CACNA2D2: variants seen among roughly 807,000 people sequenced by gnomAD.
CACNA2D2 encodes the protein voltage-dependent calcium channel subunit alpha-2/delta-2.
In CACNA2D2, 48 loss-of-function variants were observed where a neutral mutation model predicts 166.4. The observed-to-expected ratio is 0.29, with a 90% CI of 0.23 to 0.37. CACNA2D2 has a LOEUF of 0.37. Among genes scored for constraint, CACNA2D2 ranks in the 10% least tolerant of loss-of-function variants. The pLI, the probability that CACNA2D2 is intolerant of heterozygous loss-of-function variation, is 1.00. For synonymous variants in CACNA2D2, 561 were observed against 573.7 expected, an observed-to-expected ratio of 0.98 and a Z score of 0.32; for missense variants, 1,122 against 1,433.0, an observed-to-expected ratio of 0.78 and a Z score of 3.50.
intron 2 of CACNA2D2, among the ~76,000 whole-genome samples, chr3:50,468,677 C>A (rs957675778): frequency 2.0e-5 from 3 of 151,972 alleles, no homozygotes; most frequent in African/African-American, 7.3e-5. Flanking sequence ...CTGAGAGATT[C>A]CACCCTCAAG....
At chr3:50,396,324 TCACCTATTCTCCA>T (rs1156232323) in intron 3 of CACNA2D2, among the ~76,000 whole-genome samples, 1 of 152,100 alleles carries the variant, frequency 6.6e-6, no homozygotes, top group African/African-American at 2.4e-5. Flanking sequence ...CTCATCCTCA[TCACCTATTCTCCA>T]CACAACACCT....
At chr3:50,437,425 C>T (rs1708400874) in intron 2 of CACNA2D2, among the ~76,000 whole-genome samples, 1 of 152,176 alleles carries the variant, frequency 6.6e-6, no homozygotes, top group African/African-American at 2.4e-5. Context: ...AGAGCAGAAT[C>T]CCAGAAGTGC....
intron 1 of CACNA2D2, among the ~76,000 whole-genome samples, chr3:50,495,638 C>A (rs1034136084): frequency 1.3e-5 from 2 of 152,238 alleles, no homozygotes; most frequent in African/African-American, 4.8e-5. Context: ...CAGCCCAAAT[C>A]GTGCCCACAG....
chr3:50,430,803 T>C (rs1708028192), intron 3 of CACNA2D2, among the ~76,000 whole-genome samples: 1 of 152,116 alleles, frequency 6.6e-6, no homozygotes, highest in Non-Finnish European at 1.5e-5. Context: ...TGGGCCTTAG[T>C]TCAGAGGCCC....
chr3:50,459,191 A>G (rs1709492208), intron 2 of CACNA2D2, among the ~76,000 whole-genome samples: 1 of 152,214 alleles, frequency 6.6e-6, no homozygotes, highest in African/African-American at 2.4e-5. Context: ...TAGCAGAAGA[A>G]TATTTGATAA....
At chr3:50,485,646 C>T (rs766836919) in intron 1 of CACNA2D2, among the ~76,000 whole-genome samples, 33 of 152,200 alleles carry the variant, frequency 2.2e-4, no homozygotes, top group Non-Finnish European at 4.4e-4. Flanking sequence ...TCCTAGGATA[C>T]GGAGACAGGC....
chr3:50,476,322 G>C, intron 1 of CACNA2D2, 123 bp from the exon 2 acceptor site: 1 of 706,650 alleles, frequency 1.4e-6, no homozygotes, highest in Non-Finnish European at 2.4e-6. Context: ...CACTAGAGGA[G>C]GACCCACAGC....
intron 2 of CACNA2D2, among the ~76,000 whole-genome samples, chr3:50,458,813 T>C (rs567385569): frequency 2.0e-5 from 3 of 152,384 alleles, no homozygotes; most frequent in Middle Eastern, 3.4e-3. Flanking sequence ...AATGGGTTAA[T>C]GCTGGGGAAC....
intron 2 of CACNA2D2, among the ~76,000 whole-genome samples, chr3:50,473,373 TG>T (rs762318479): frequency 6.2e-4 from 94 of 152,116 alleles, no homozygotes; most frequent in East Asian, 1.4e-3. Flanking sequence ...CTACTGGGAG[TG>T]GGGCAGCCTC....
At chr3:50,388,434 G>A (rs1036789785) in intron 4 of CACNA2D2, among the ~76,000 whole-genome samples, 4 of 152,236 alleles carry the variant, frequency 2.6e-5, no homozygotes, top group Non-Finnish European at 5.9e-5. Flanking sequence ...TGCTGTCCAA[G>A]TCACCCTCTC....
chr3:50,432,209 G>A (rs187506659), intron 3 of CACNA2D2, among the ~76,000 whole-genome samples: 1 of 152,210 alleles, frequency 6.6e-6, no homozygotes, highest in African/African-American at 2.4e-5. Flanking sequence ...TAGGGGTGGG[G>A]GAAGTGGCTT....
At chr3:50,479,150 A>G (rs957409018) in intron 1 of CACNA2D2, among the ~76,000 whole-genome samples, 1 of 152,182 alleles carries the variant, frequency 6.6e-6, no homozygotes, top group South Asian at 2.1e-4. Context: ...TCCCCAAGAT[A>G]TACACGCTCA....
At position 50,365,948 on chromosome 3, in the gene CACNA2D2, G is replaced by T; in HGVS notation, c.2862+63C>A. ...CTTTATCAAATGTCAGAGGTAGGGG[G>T]TCATCTGTGGGCAGGTCTCCCAGTC... is the stretch of plus-strand genomic sequence containing the variant. On this transcript the variant is annotated intron_variant, in intron 32 of 37. Coordinates refer to ENST00000424201, the MANE Select transcript of CACNA2D2 (RefSeq NM_006030.4). This position sits in a 1 kb window ranked among gnomAD's most constrained non-coding sequence, Gnocchi z 4.5. The T allele has an allele frequency of 6.2e-7, 1 of 1,611,306 alleles. No homozygotes were observed. The highest frequency in any genetic ancestry group is 8.5e-7 in the Non-Finnish European group (1 of 1,178,760).
chr3:50,383,750 G>A (rs980730901), intron 6 of CACNA2D2, among the ~76,000 whole-genome samples: 4 of 152,148 alleles, frequency 2.6e-5, no homozygotes, highest in Non-Finnish European at 5.9e-5. Context: ...TATCTGTGAG[G>A]GGTGGTTCCC....
intron 1 of CACNA2D2, among the ~76,000 whole-genome samples, chr3:50,494,260 G>A (rs1447583203): frequency 6.6e-6 from 1 of 152,148 alleles, no homozygotes; most frequent in African/African-American, 2.4e-5. Context: ...GGCAGGGCGG[G>A]GGTGGGTTGT....
At chr3:50,401,766 T>A (rs1212558744) in intron 3 of CACNA2D2, among the ~76,000 whole-genome samples, 1 of 152,138 alleles carries the variant, frequency 6.6e-6, no homozygotes, top group Admixed American at 6.5e-5. Flanking sequence ...TGGAGTGCAG[T>A]GGTGCGATCT....
intron 4 of CACNA2D2, among the ~76,000 whole-genome samples, chr3:50,388,192 T>C (rs1427549000): frequency 1.3e-5 from 2 of 152,238 alleles, no homozygotes; most frequent in Admixed American, 1.3e-4. Flanking sequence ...GGCCCATGTC[T>C]GCTTGCCAGT....
intron 3 of CACNA2D2, among the ~76,000 whole-genome samples, chr3:50,418,051 G>A (rs1457207721): frequency 6.6e-6 from 1 of 152,144 alleles, no homozygotes; most frequent in Admixed American, 6.5e-5. Flanking sequence ...CCAGATGGGA[G>A]GTGGTGGCAG....
At chr3:50,498,381 A>T (rs1414347470) in intron 1 of CACNA2D2, among the ~76,000 whole-genome samples, 1 of 152,152 alleles carries the variant, frequency 6.6e-6, no homozygotes, top group Non-Finnish European at 1.5e-5. Context: ...TAAAGGAGCC[A>T]GCCTCAGGTT....
Sources: allele counts gnomAD v4.1 joint callset (sites outside exome capture counted in the v4.1 genomes callset), GRCh38; gene constraint gnomAD v4.1.1; non-coding constraint Gnocchi (gnomAD v3.1); transcripts MANE v1.5; gene names NCBI Gene and HGNC (gene_info 2026-07-23, HGNC 2026-07-21).